The following DSTN variants were observed in gnomAD, a reference collection of about 807,000 sequenced individuals.
DSTN encodes destrin.
Under a neutral mutation model 16.8 loss-of-function variants are expected in DSTN, and 10 were observed. That is an observed-to-expected ratio of 0.60 (90% CI 0.37 to 1.01). DSTN has a LOEUF of 1.01. Among genes scored for constraint, DSTN ranks in the 50% least tolerant of loss-of-function variants. The pLI is 0.01. For missense variants in DSTN, 141 were observed against 196.7 expected (o/e 0.72, Z 1.69); for synonymous variants, 57 against 58.9 (o/e 0.97, Z 0.14).
rs1046615407 is a variant in DSTN at position 17,607,902 on chromosome 20, A to G, written c.*756A>G. 2.0e-5 allele frequency: 3 copies of G among 152,234 alleles called. No individual in the cohort carries two copies. The highest frequency in any genetic ancestry group is 3.8e-4 in the East Asian group (2 of 5,204). 9.4% of individuals were successfully genotyped at this position (152,234 alleles called of 1,614,324 possible). The stretch of plus-strand genomic sequence containing the variant: ...GTAATCTGCTTTGTTAATGAAAATG[A>G]TAAAACAGAATATTGACAAGCTAGG... On this transcript the variant is annotated 3_prime_UTR_variant, in exon 4 of 4. Transcript: ENST00000246069.
chr20:17,586,654 G>A (rs1199859201), intron 1 of DSTN, among the ~76,000 whole-genome samples: 2 of 152,178 alleles, frequency 1.3e-5, no homozygotes, highest in African/African-American at 4.8e-5. Context: ...GTCTTAAGCT[G>A]TTTGGTTTCT....
At chr20:17,596,914 A>C in intron 1 of DSTN, 5 of 691,802 alleles carry the variant, frequency 7.2e-6, no homozygotes, top group Non-Finnish European at 8.9e-6. Flanking sequence ...AGAATGTTTG[A>C]GATGCTTAGA....
intron 1 of DSTN, among the ~76,000 whole-genome samples, chr20:17,591,625 AAAC>A (rs1163559957): frequency 2.0e-5 from 3 of 152,250 alleles, no homozygotes; most frequent in African/African-American, 7.2e-5. Flanking sequence ...GTGTAAATAC[AAAC>A]TCTCAGACTC....
chr20:17,570,962 G>T (rs986886330), intron 1 of DSTN, among the ~76,000 whole-genome samples: 2 of 152,142 alleles, frequency 1.3e-5, no homozygotes, highest in African/African-American at 4.8e-5. Context: ...GCCAGAACTT[G>T]GTGCGCAAGG....
At chr20:17,599,463 C>G (rs1268072090) in intron 1 of DSTN, 2 of 152,222 alleles carry the variant, frequency 1.3e-5, no homozygotes, top group African/African-American at 4.8e-5. Flanking sequence ...CCTTTTGGTG[C>G]CTACCAGCAT....
chr20:17,575,363 A>G (rs1257192172), intron 1 of DSTN, among the ~76,000 whole-genome samples: 1 of 152,230 alleles, frequency 6.6e-6, no homozygotes, highest in Non-Finnish European at 1.5e-5. Flanking sequence ...CCACAGAACA[A>G]CACTCTAGTC....
intron 3 of DSTN, among the ~76,000 whole-genome samples, chr20:17,604,957 G>A (rs1264305704): frequency 2.0e-5 from 3 of 152,144 alleles, no homozygotes; most frequent in South Asian, 2.1e-4. Flanking sequence ...GTTTAACATT[G>A]GACATAATAG....
chr20:17,604,687 G>A, intron 3 of DSTN, 56 bp downstream of exon 3: 1 of 1,515,240 alleles, frequency 6.6e-7, no homozygotes, highest in Non-Finnish European at 9.0e-7. Flanking sequence ...TCAGAATGGG[G>A]CAGCACCTTT....
Position 17,600,921 on chromosome 20 carries a change from A to G in DSTN, c.187A>G (p.Thr63Ala). 6.2e-7 allele frequency: 1 copy of G among 1,613,984 alleles called. No individual in the cohort carries two copies. The highest frequency in any genetic ancestry group is 8.5e-7 in the Non-Finnish European group (1 of 1,179,942). The change falls in exon 2 of 4, where the codon ACC (threonine) becomes GCC (alanine). Residue 63 changes from threonine (T) to alanine (A), a missense_variant. Thr to Ala is a moderately conservative substitution (Grantham distance 58). Coordinates refer to ENST00000246069, the MANE Select transcript of DSTN (RefSeq NM_006870.4). ...GATCTTGGTTGGAGATGTTGGTGTA[A>G]CCATAACTGATCCTTTCAAGCATTT... ...KEILVGDVGV[T>A]ITDPFKHFVG...
chr20:17,586,533 C>T (rs73898341), intron 1 of DSTN, among the ~76,000 whole-genome samples: 3,444 of 152,262 alleles, frequency 0.023, 116 homozygotes, highest in African/African-American at 0.078. Context: ...TGCTGTTTAA[C>T]CACTTAATAG....
Position 17,589,054 on chromosome 20 carries a change from T to G in DSTN, c.4-11684T>G, listed in dbSNP as rs77033990. 8.2e-3 allele frequency among the ~76,000 whole-genome samples: 1,241 copies of G among 152,204 alleles called. 17 individuals carry two copies. Among genetic ancestry groups the G allele is most frequent in the African/African-American group, 0.029 (1,193 of 41,514 alleles). ...AGGAGGGAGTCTAGGGATCTTTGCTTCTCAGACCCATTTCACTCATTCTTC... is the reference window on the plus strand; with the variant it reads ...AGGAGGGAGTCTAGGGATCTTTGCTGCTCAGACCCATTTCACTCATTCTTC... On this transcript the variant is annotated intron_variant, in intron 1 of 3. Transcript: ENST00000246069.
chr20:17,602,156 A>T (rs1396958194), intron 2 of DSTN, among the ~76,000 whole-genome samples: 1 of 152,208 alleles, frequency 6.6e-6, no homozygotes, highest in African/African-American at 2.4e-5. Flanking sequence ...GCACTTGATT[A>T]AACCAAGTTG....
At chr20:17,582,772 CTG>C (rs1170776185) in intron 1 of DSTN, among the ~76,000 whole-genome samples, 7 of 152,220 alleles carry the variant, frequency 4.6e-5, no homozygotes, top group African/African-American at 1.7e-4. Flanking sequence ...GTATAAATCT[CTG>C]TGAACTTGTG....
At chr20:17,586,969 G>A (rs982005937) in intron 1 of DSTN, among the ~76,000 whole-genome samples, 4 of 152,106 alleles carry the variant, frequency 2.6e-5, no homozygotes, top group Non-Finnish European at 5.9e-5. Flanking sequence ...GGTCTTCAAA[G>A]GTTAAATGTT....
intron 1 of DSTN, among the ~76,000 whole-genome samples, chr20:17,577,929 T>C (rs2035297995): frequency 6.6e-6 from 1 of 152,218 alleles, no homozygotes; most frequent in South Asian, 2.1e-4. Context: ...TAAGAATAAA[T>C]TTTTAGAATT....
At chr20:17,595,606 C>G (rs995554072) in intron 1 of DSTN, among the ~76,000 whole-genome samples, 3 of 151,036 alleles carry the variant, frequency 2.0e-5, no homozygotes, top group Non-Finnish European at 4.4e-5. Context: ...ATGACAAGAG[C>G]GAACGTCCAT....
chr20:17,584,032 C>T (rs2122176633), intron 1 of DSTN, among the ~76,000 whole-genome samples: 1 of 152,224 alleles, frequency 6.6e-6, no homozygotes, highest in African/African-American at 2.4e-5. Flanking sequence ...AGCCATTACA[C>T]CCAGCCCAGG....
chr20:17,591,931 G>A (rs1568736020), intron 1 of DSTN: 13 of 985,224 alleles, frequency 1.3e-5, no homozygotes, highest in Non-Finnish European at 1.4e-5. Context: ...CTTTACCCCA[G>A]ATTTTCAGTT....
rs144974671 is a variant in DSTN at position 17,572,304 on chromosome 20, C to T, written c.3+2093C>T. 2.0e-4 allele frequency among the ~76,000 whole-genome samples: 30 copies of T among 152,320 alleles called. No homozygotes were observed. In the East Asian group the frequency reaches 5.0e-3, roughly 25 times the overall value. ...AAAAAACAAACAACGTCTGCCTCCACGTGAACCACAATTACAGACCCCAAA... is the reference window on the plus strand; with the variant it reads ...AAAAAACAAACAACGTCTGCCTCCATGTGAACCACAATTACAGACCCCAAA... On this transcript the variant is annotated intron_variant, in intron 1 of 3. Transcript: ENST00000246069.
Sources: allele counts gnomAD v4.1 joint callset (sites outside exome capture counted in the v4.1 genomes callset), GRCh38; gene constraint gnomAD v4.1.1; transcripts MANE v1.5; gene names NCBI Gene and HGNC (gene_info 2026-07-23, HGNC 2026-07-21).